Variants in SLC35F4 observed in about 807,000 individuals in gnomAD.
The protein encoded by SLC35F4 is solute carrier family 35 member F4.
A neutral mutation model predicts 44.2 loss-of-function variants in SLC35F4; 24 were observed. That is an observed-to-expected ratio of 0.54 (90% CI 0.39 to 0.76). SLC35F4 has a LOEUF of 0.76. Ranked by LOEUF, SLC35F4 falls within the 30% of genes least tolerant of loss-of-function variation. SLC35F4 has a pLI of 0.00. For missense variants in SLC35F4, 562 were observed against 586.1 expected, an observed-to-expected ratio of 0.96 and a Z score of 0.42; for synonymous variants, 238 against 223.6, an observed-to-expected ratio of 1.06 and a Z score of -0.57.
At chr14:57,866,957 AAATAATAATAATAATAATAAT>A (rs4035380), upstream of SLC35F4, among the ~76,000 whole-genome samples, 56 of 136,054 alleles carry the variant, frequency 4.1e-4, no homozygotes, top group East Asian at 7.8e-3. Flanking sequence ...AGCTTCCTGC[AAATAATAATAATAATAATAAT>A]AATAATAATA....
chr14:57,566,797 T>C (rs1307120439), intron 6 of SLC35F4, among the ~76,000 whole-genome samples: 1 of 152,186 alleles, frequency 6.6e-6, no homozygotes, highest in African/African-American at 2.4e-5. Flanking sequence ...TGGCAAAAGG[T>C]ATATGGACAA....
chr14:57,723,897 C>T (rs1197938472), intron 1 of SLC35F4, among the ~76,000 whole-genome samples: 4 of 152,092 alleles, frequency 2.6e-5, no homozygotes, highest in Non-Finnish European at 5.9e-5. Context: ...CATTTGTGTG[C>T]CAGAGGATGG....
chr14:57,836,955 A>G (rs1353034734), intron 1 of SLC35F4, among the ~76,000 whole-genome samples: 1 of 152,224 alleles, frequency 6.6e-6, no homozygotes, highest in African/African-American at 2.4e-5. Flanking sequence ...CATATATTAA[A>G]AACTGAAATA....
At chr14:57,933,887 G>A (rs995933322) in intron 1 of SLC35F4, among the ~76,000 whole-genome samples, 18 of 151,970 alleles carry the variant, frequency 1.2e-4, no homozygotes, top group African/African-American at 3.6e-4. Flanking sequence ...GTCTTGACAC[G>A]AAAAAATATA....
upstream of SLC35F4, among the ~76,000 whole-genome samples, chr14:57,870,124 C>CTGTGTGTG (rs34282878): frequency 3.3e-3 from 476 of 146,168 alleles, 2 homozygotes; most frequent in Middle Eastern, 0.014. Flanking sequence ...TGTCTATGAT[C>CTGTGTGTG]TGTGTGTGTG....
intron 1 of SLC35F4, among the ~76,000 whole-genome samples, chr14:57,714,677 G>A (rs1359850821): frequency 6.6e-6 from 1 of 152,096 alleles, no homozygotes; most frequent in Non-Finnish European, 1.5e-5. Flanking sequence ...CTACTGAGAT[G>A]AATAATTCAC....
chr14:57,605,544 T>G (rs1170832107), intron 1 of SLC35F4, among the ~76,000 whole-genome samples: 1 of 152,162 alleles, frequency 6.6e-6, no homozygotes, highest in East Asian at 1.9e-4. Context: ...GAGAGCAACT[T>G]GGAGATTTCT....
chr14:57,785,598 C>T (rs1383023397), intron 1 of SLC35F4, among the ~76,000 whole-genome samples: 1 of 152,100 alleles, frequency 6.6e-6, no homozygotes, highest in Non-Finnish European at 1.5e-5. Flanking sequence ...CTGTGAGTGC[C>T]CCAACTGCAG....
At chr14:57,932,287 C>T (rs1237560166) in intron 1 of SLC35F4, among the ~76,000 whole-genome samples, 1 of 151,680 alleles carries the variant, frequency 6.6e-6, no homozygotes, top group East Asian at 2.0e-4. Flanking sequence ...ATCTCTTTAT[C>T]CCCTCTCAAA....
At chr14:57,934,737 C>T (rs1049285196) in intron 1 of SLC35F4, among the ~76,000 whole-genome samples, 1 of 152,062 alleles carries the variant, frequency 6.6e-6, no homozygotes, top group African/African-American at 2.4e-5. Flanking sequence ...CAACAAATAG[C>T]AGAGCTTTTT....
intron 1 of SLC35F4, chr14:57,799,655 G>A (rs1266934301): frequency 6.6e-6 from 1 of 152,596 alleles, no homozygotes; most frequent in African/African-American, 2.4e-5. Context: ...AGTAGACTCA[G>A]CTGCTTCAGC....
chr14:57,612,874 A>G (rs2071595963), intron 1 of SLC35F4, among the ~76,000 whole-genome samples: 1 of 152,244 alleles, frequency 6.6e-6, no homozygotes. Context: ...AATGTTGGGC[A>G]CACACTAAAT....
chr14:57,565,839 C>T (rs2068180116), intron 7 of SLC35F4, among the ~76,000 whole-genome samples: 1 of 152,038 alleles, frequency 6.6e-6, no homozygotes, highest in Non-Finnish European at 1.5e-5. Flanking sequence ...TGCTGATTGT[C>T]GTGGAGGACA....
At chr14:57,620,144 C>G (rs1745709) in intron 1 of SLC35F4, among the ~76,000 whole-genome samples, 92,350 of 151,814 alleles carry the variant, frequency 0.61, 30,404 homozygotes, top group Non-Finnish European at 0.74. Context: ...GAGAACTTCC[C>G]CAACCTAGCA....
intron 1 of SLC35F4, among the ~76,000 whole-genome samples, chr14:57,623,115 A>T (rs1233059609): frequency 6.6e-6 from 1 of 152,182 alleles, no homozygotes; most frequent in Non-Finnish European, 1.5e-5. Flanking sequence ...AGATGGAAGA[A>T]TATTTAACAA....
At chr14:57,623,404 G>C (rs1371092050) in intron 1 of SLC35F4, among the ~76,000 whole-genome samples, 1 of 152,210 alleles carries the variant, frequency 6.6e-6, no homozygotes, top group African/African-American at 2.4e-5. Context: ...ACAGATCAAC[G>C]AGACAAAATT....
rs148724319 is a variant in SLC35F4, at chr14:57,778,712, C to T, written c.103+87011G>A. 1.9e-4 allele frequency among the ~76,000 whole-genome samples: 29 copies of T among 151,750 alleles called. No individual in the cohort carries two copies. The East Asian group carries it at 3.9e-3, about 20-fold the overall frequency. On this transcript the variant is annotated intron_variant, in intron 1 of 7. Coordinates refer to ENST00000556826, the MANE Select transcript of SLC35F4 (RefSeq NM_001306087.2). Reference sequence around the variant, plus strand: ...GGTACATACTCTAAAATCAACTACACAATCAGATATAAAACAATGCTCAGC... The same window carrying T: ...GGTACATACTCTAAAATCAACTACATAATCAGATATAAAACAATGCTCAGC...
intron 4 of SLC35F4, chr14:57,579,384 T>C (rs1171681186): frequency 6.6e-6 from 1 of 152,234 alleles, no homozygotes; most frequent in Non-Finnish European, 1.5e-5. Context: ...AGTTACACAG[T>C]TGTTTTCTTT....
intron 1 of SLC35F4, among the ~76,000 whole-genome samples, chr14:57,930,114 T>C (rs1417511188): frequency 2.6e-5 from 4 of 152,128 alleles, no homozygotes; most frequent in Admixed American, 2.6e-4. Context: ...CAACTCTAAT[T>C]ATAGATCTGA....
Sources: allele counts gnomAD v4.1 joint callset (sites outside exome capture counted in the v4.1 genomes callset), GRCh38; gene constraint gnomAD v4.1.1; transcripts MANE v1.5; gene names NCBI Gene and HGNC (gene_info 2026-07-23, HGNC 2026-07-21).